GRXCR2: variants seen among roughly 807,000 people sequenced by gnomAD.
GRXCR2 encodes glutaredoxin domain-containing cysteine-rich protein 2.
In GRXCR2, 23 loss-of-function variants were observed where a neutral mutation model predicts 24.8. That is an observed-to-expected ratio of 0.93 (90% CI 0.67 to 1.32). GRXCR2 has a LOEUF of 1.32. Ranked by LOEUF, GRXCR2 falls within the 40% of genes most tolerant of loss-of-function variation. The probability of loss-of-function intolerance (pLI) is 0.00; values close to 1 mark genes in which losing one functional copy is unlikely to be tolerated. For synonymous variants in GRXCR2, 130 were observed against 116.1 expected, an observed-to-expected ratio of 1.12 and a Z score of -0.77; for missense variants, 315 against 303.4, an observed-to-expected ratio of 1.04 and a Z score of -0.28.
At chr5:145,882,066 C>A (rs1472599793) in intron 2 of GRXCR2, among the ~76,000 whole-genome samples, 1 of 152,130 alleles carries the variant, frequency 6.6e-6, no homozygotes, top group Non-Finnish European at 1.5e-5. Flanking sequence ...CCATAAAACC[C>A]CTAGAAGAAA....
chr5:145,911,362 G>T (rs575604586), intron 2 of GRXCR2, among the ~76,000 whole-genome samples: 2 of 152,332 alleles, frequency 1.3e-5, no homozygotes, highest in South Asian at 4.1e-4. Context: ...GCTGAGCAAG[G>T]TTCCCAGGGC....
intron 2 of GRXCR2, among the ~76,000 whole-genome samples, chr5:145,907,135 G>C (rs1223628539): frequency 6.6e-6 from 1 of 152,146 alleles, no homozygotes; most frequent in African/African-American, 2.4e-5. Context: ...GGAAGGTGGG[G>C]ATCTTGGAAG....
chr5:145,892,808 G>A (rs1180344378), intron 2 of GRXCR2, among the ~76,000 whole-genome samples: 9 of 152,152 alleles, frequency 5.9e-5, no homozygotes, highest in Non-Finnish European at 1.3e-4. Context: ...CTCGAGAAGA[G>A]CAACTCCAAG....
At position 145,902,379 on chromosome 5, in the gene GRXCR2, A is replaced by G. The variant is rs192944112; in HGVS notation, c.-70+33322T>C. Reference sequence around the variant, plus strand: ...TGATTTCCCAAAGTGCTGAGATTATAGAATGTGATCCAATGTGCCCGGCCA... The same window carrying G: ...TGATTTCCCAAAGTGCTGAGATTATGGAATGTGATCCAATGTGCCCGGCCA... On this transcript the variant is annotated intron_variant, in intron 2 of 3. Transcript: ENST00000639411. Among the ~76,000 whole-genome samples, 6 of 152,318 alleles carry G rather than the reference A, an allele frequency of 3.9e-5. No individual in the cohort carries two copies. In the East Asian group the frequency reaches 9.6e-4, roughly 24 times the overall value.
chr5:145,900,141 A>G (rs896382387), intron 2 of GRXCR2, among the ~76,000 whole-genome samples: 10 of 152,060 alleles, frequency 6.6e-5, no homozygotes, highest in African/African-American at 2.4e-4. Flanking sequence ...CTCATGTTGA[A>G]TTGTAATCCC....
intron 2 of GRXCR2, among the ~76,000 whole-genome samples, chr5:145,895,096 A>T (rs1017980616): frequency 2.0e-5 from 3 of 152,164 alleles, no homozygotes; most frequent in African/African-American, 7.2e-5. Context: ...GCTTCATGCT[A>T]AAAACTCTCA....
chr5:145,927,159 T>C (rs1173117504), intron 2 of GRXCR2, among the ~76,000 whole-genome samples: 2 of 152,176 alleles, frequency 1.3e-5, no homozygotes, highest in East Asian at 1.9e-4. Flanking sequence ...ACATATACAA[T>C]CATGTCATCT....
chr5:145,903,988 T>A (rs144881442), intron 2 of GRXCR2, among the ~76,000 whole-genome samples: 1 of 152,196 alleles, frequency 6.6e-6, no homozygotes, highest in African/African-American at 2.4e-5. Context: ...TCCTCTCTGA[T>A]GAAAATTTCA....
chr5:145,926,861 C>A (rs1008967978), intron 2 of GRXCR2, among the ~76,000 whole-genome samples: 3 of 152,194 alleles, frequency 2.0e-5, no homozygotes, highest in African/African-American at 7.2e-5. Context: ...TACCCATGAG[C>A]ATGGAATATT....
chr5:145,900,142 T>C (rs894568882), intron 2 of GRXCR2, among the ~76,000 whole-genome samples: 3 of 152,064 alleles, frequency 2.0e-5, no homozygotes, highest in African/African-American at 7.2e-5. Context: ...TCATGTTGAA[T>C]TGTAATCCCC....
At position 145,859,822 on chromosome 5, in the gene GRXCR2, C is replaced by G; in HGVS notation, c.658G>C (p.Ala220Pro). The G allele has an allele frequency of 6.2e-7, 1 of 1,613,876 alleles. No homozygotes were observed. Among genetic ancestry groups the G allele is most frequent in the Non-Finnish European group, 8.5e-7 (1 of 1,179,868 alleles). Residue 220 changes from alanine (A) to proline (P), a missense_variant, in exon 3 of 3, where the codon GCC (alanine) becomes CCC (proline). Physicochemically the swap from Ala to Pro is conservative, Grantham distance 27. Transcript: ENST00000377976. ...LCHGSKFSML[A>P]NRFKESYRAL... ...CGATAGGACTCCTTAAATCTGTTGG[C>G]CAGCATCGAGAACTTGCTGCCGTGG...
intron 2 of GRXCR2, among the ~76,000 whole-genome samples, chr5:145,927,944 C>G (rs1194921059): frequency 3.3e-5 from 5 of 151,952 alleles, no homozygotes; most frequent in Non-Finnish European, 1.5e-5. Context: ...GCAAAAGAAA[C>G]TACCATCAGA....
intron 2 of GRXCR2, among the ~76,000 whole-genome samples, chr5:145,888,805 C>T (rs1402514945): frequency 2.6e-5 from 4 of 152,016 alleles, no homozygotes; most frequent in Admixed American, 1.3e-4. Context: ...TGAAGTTATA[C>T]ACTCTGTGTG....
rs1201229434 is a variant in GRXCR2 at position 145,858,746 on chromosome 5, T to C, written c.*987A>G. 9 of 152,190 alleles carry C rather than the reference T, an allele frequency of 5.9e-5. No individual in the cohort carries two copies. The allele number at this position is 152,190 out of a possible 1,614,324, so 9.4% of individuals were successfully genotyped here. A position where few individuals can be genotyped will look rare whatever the true frequency, so the allele number is the denominator to read the frequency against. On this transcript the variant is annotated 3_prime_UTR_variant, in exon 3 of 3. Transcript: ENST00000377976. The stretch of plus-strand genomic sequence containing the variant: ...GGGTGTTAGAGCTATAAAAGTTCAT[T>C]AACAAAAGTATGTTCTAATTTTATA...
At chr5:145,892,603 A>C (rs1756885460) in intron 2 of GRXCR2, among the ~76,000 whole-genome samples, 1 of 152,182 alleles carries the variant, frequency 6.6e-6, no homozygotes, top group Non-Finnish European at 1.5e-5. Context: ...AAAGAAATGA[A>C]CAAAGCCTCC....
At position 145,891,857 on chromosome 5, in the gene GRXCR2, G is replaced by A. The variant is rs374966683; in HGVS notation, c.-69-25129C>T. ...CTCCTCAAGTTGGTCCCTGACCCCC[G>A]AGCAGCCTAACTGGGAGACATCCCC... On this transcript the variant is annotated intron_variant, in intron 2 of 3. Coordinates refer to the GRXCR2 transcript ENST00000639411. Among the ~76,000 whole-genome samples the A allele has an allele frequency of 7.6e-4, 115 of 152,262 alleles. 3 individuals carry two copies. The South Asian group carries it at 0.017, about 22-fold the overall frequency.
At chr5:145,858,301 G>A (rs182433964), downstream of GRXCR2, among the ~76,000 whole-genome samples, 4 of 129,198 alleles carry the variant, frequency 3.1e-5, no homozygotes, top group Non-Finnish European at 4.7e-5. Flanking sequence ...GCAACAGAGC[G>A]GACTCTGTCT....
intron 2 of GRXCR2, among the ~76,000 whole-genome samples, chr5:145,901,362 T>C (rs534171860): frequency 6.6e-5 from 10 of 152,278 alleles, no homozygotes; most frequent in South Asian, 2.1e-4. Context: ...AACTCCTTCA[T>C]TGATTTTAAG....
intron 2 of GRXCR2, among the ~76,000 whole-genome samples, chr5:145,890,932 T>A (rs1581343326): frequency 6.6e-6 from 1 of 151,660 alleles, no homozygotes; most frequent in African/African-American, 2.4e-5. Flanking sequence ...TGAGAAAAGA[T>A]CTGCCACACA....
Sources: allele counts gnomAD v4.1 joint callset (sites outside exome capture counted in the v4.1 genomes callset), GRCh38; gene constraint gnomAD v4.1.1; transcripts MANE v1.5; gene names NCBI Gene and HGNC (gene_info 2026-07-23, HGNC 2026-07-21).